The following AGBL1 variants were observed in gnomAD, a reference collection of about 807,000 sequenced individuals.
AGBL1 encodes cytosolic carboxypeptidase 4.
A neutral mutation model predicts 118.9 loss-of-function variants in AGBL1; 130 were observed. The ratio of observed to expected loss-of-function variants is 1.09; its 90% CI spans 0.95 to 1.26. The LOEUF is 1.26. Ranked by LOEUF, AGBL1 falls within the 50% of genes most tolerant of loss-of-function variation. The pLI is 0.00. For synonymous variants in AGBL1, 555 were observed against 478.9 expected (o/e 1.16, Z -2.08); for missense variants, 1,584 against 1,298.1 (o/e 1.22, Z -3.38).
intron 24 of AGBL1, among the ~76,000 whole-genome samples, chr15:87,024,198 G>C (rs972969656): frequency 2.3e-4 from 35 of 151,830 alleles, no homozygotes; most frequent in African/African-American, 8.5e-4. Context: ...ACAAAAATCT[G>C]GTTCTTTGAA....
chr15:86,616,029 T>TG (rs1015262270), intron 21 of AGBL1, among the ~76,000 whole-genome samples: 9 of 152,008 alleles, frequency 5.9e-5, no homozygotes, highest in Non-Finnish European at 1.3e-4. Context: ...GGATAGCAAT[T>TG]GTCACAATAC....
intron 23 of AGBL1, among the ~76,000 whole-genome samples, chr15:86,967,517 G>A (rs921614254): frequency 2.0e-5 from 3 of 152,106 alleles, no homozygotes; most frequent in African/African-American, 7.2e-5. Flanking sequence ...GTGTAAGGAA[G>A]GGATCCAGTT....
At chr15:86,685,472 T>G (rs2086037561) in intron 22 of AGBL1, among the ~76,000 whole-genome samples, 1 of 152,168 alleles carries the variant, frequency 6.6e-6, no homozygotes, top group African/African-American at 2.4e-5. Context: ...GACTTAGCAT[T>G]CATCATTTTA....
chr15:86,212,705 A>C (rs896203295), intron 5 of AGBL1, among the ~76,000 whole-genome samples: 1 of 152,130 alleles, frequency 6.6e-6, no homozygotes, highest in Non-Finnish European at 1.5e-5. Flanking sequence ...GCTGGAGTGC[A>C]ATGGCGTGAT....
intron 22 of AGBL1, among the ~76,000 whole-genome samples, chr15:86,853,055 A>G (rs2079428957): frequency 6.6e-6 from 1 of 152,098 alleles, no homozygotes; most frequent in Non-Finnish European, 1.5e-5. Context: ...TCCAAAAAAA[A>G]TCTCAAAGCC....
At chr15:86,347,653 G>T (rs1419755830) in intron 17 of AGBL1, among the ~76,000 whole-genome samples, 1 of 152,098 alleles carries the variant, frequency 6.6e-6, no homozygotes, top group Non-Finnish European at 1.5e-5. Context: ...TCTATAAAAT[G>T]CTCTGAATAT....
chr15:86,433,169 G>C (rs1025260002), intron 18 of AGBL1, among the ~76,000 whole-genome samples: 1 of 151,258 alleles, frequency 6.6e-6, no homozygotes, highest in African/African-American at 2.4e-5. Flanking sequence ...AAAAAGATGA[G>C]GAGTCTGAAT....
In AGBL1 at chr15:86,481,403, C is replaced by T. The variant is rs982999919; in HGVS notation, c.2556-41407C>T. ...GCTTCCAGATCCCATGCTCTTACTA[C>T]TGCCCTGTATTGAATATGTGACCTT... is the stretch of plus-strand genomic sequence containing the variant. On this transcript the variant is annotated intron_variant, in intron 18 of 22. Transcript: ENST00000614907. Among the ~76,000 whole-genome samples the T allele has an allele frequency of 8.5e-5, 13 of 152,130 alleles. 1 individual carries two copies. Among genetic ancestry groups the T allele is most frequent in the Admixed American group, 5.9e-4 (9 of 15,256 alleles).
chr15:86,760,363 A>G (rs1392469152), intron 22 of AGBL1, among the ~76,000 whole-genome samples: 1 of 152,002 alleles, frequency 6.6e-6, no homozygotes, highest in African/African-American at 2.4e-5. Context: ...CTTGTAGGAA[A>G]TCATTAGCTC....
intron 22 of AGBL1, among the ~76,000 whole-genome samples, chr15:86,876,986 A>G (rs887588787): frequency 2.0e-5 from 3 of 152,020 alleles, no homozygotes; most frequent in African/African-American, 7.2e-5. Flanking sequence ...TGTCATTATT[A>G]TTATTTTCCC....
chr15:86,536,759 C>G (rs2083432530), intron 19 of AGBL1, among the ~76,000 whole-genome samples: 2 of 152,134 alleles, frequency 1.3e-5, no homozygotes, highest in South Asian at 4.1e-4. Context: ...GAAAGCATTC[C>G]TCTTCAGCCT....
At chr15:86,649,723 A>T (rs2085339372) in intron 21 of AGBL1, among the ~76,000 whole-genome samples, 1 of 151,034 alleles carries the variant, frequency 6.6e-6, no homozygotes, top group South Asian at 2.1e-4. Context: ...TTTTTACATA[A>T]AAACAATTAT....
Position 86,452,388 on chromosome 15 carries a change from C to G in AGBL1, c.2555+54842C>G, listed in dbSNP as rs547031349. On this transcript the variant is annotated intron_variant, in intron 18 of 22. Coordinates refer to ENST00000614907, the MANE Select transcript of AGBL1 (RefSeq NM_001386094.1). The stretch of plus-strand genomic sequence containing the variant: ...TTCTCCTAGTGAGTGGGAGATGCCT[C>G]TGATTTGTAGCCTCATGATGCACTG... Among the ~76,000 whole-genome samples the G allele has an allele frequency of 3.0e-4, 45 of 152,294 alleles. No homozygotes were observed. In the South Asian group the frequency reaches 8.3e-3, roughly 28 times the overall value.
intron 22 of AGBL1, among the ~76,000 whole-genome samples, chr15:86,698,976 T>C (rs553448762): frequency 6.6e-6 from 1 of 152,198 alleles, no homozygotes; most frequent in African/African-American, 2.4e-5. Context: ...TATCAGTTTT[T>C]AAGACTTCAT....
chr15:86,430,931 C>G (rs1006743442), intron 18 of AGBL1, among the ~76,000 whole-genome samples: 2 of 152,112 alleles, frequency 1.3e-5, no homozygotes, highest in African/African-American at 4.8e-5. Context: ...ATTCTTGTGA[C>G]AGTCCTATGG....
chr15:86,406,215 C>A (rs1044702380), intron 18 of AGBL1, among the ~76,000 whole-genome samples: 5 of 152,028 alleles, frequency 3.3e-5, no homozygotes, highest in African/African-American at 1.2e-4. Flanking sequence ...TCTTTCTCAA[C>A]TTGCCTTCCT....
intron 5 of AGBL1, among the ~76,000 whole-genome samples, chr15:86,178,876 TACA>T (rs1460736201): frequency 1.3e-5 from 2 of 152,216 alleles, no homozygotes; most frequent in African/African-American, 4.8e-5. Flanking sequence ...TGACACATGC[TACA>T]ACATGAGTAA....
At chr15:86,863,298 T>A (rs1008931972) in intron 22 of AGBL1, among the ~76,000 whole-genome samples, 11 of 152,208 alleles carry the variant, frequency 7.2e-5, no homozygotes, top group Admixed American at 2.6e-4. Flanking sequence ...CATTCACCCC[T>A]AAGGAACTGC....
chr15:87,022,154 G>T (rs2081671166), intron 24 of AGBL1, among the ~76,000 whole-genome samples: 1 of 152,050 alleles, frequency 6.6e-6, no homozygotes, highest in Non-Finnish European at 1.5e-5. Context: ...GGGACAAAAA[G>T]AATCTGAACA....
Sources: allele counts gnomAD v4.1 joint callset (sites outside exome capture counted in the v4.1 genomes callset), GRCh38; gene constraint gnomAD v4.1.1; transcripts MANE v1.5; gene names NCBI Gene and HGNC (gene_info 2026-07-23, HGNC 2026-07-21).